NPM2: variants seen among roughly 807,000 people sequenced by gnomAD.
NPM2 encodes nucleophosmin/nucleoplasmin 2, also known as nucleoplasmin-2.
NPM2 carries 25 observed loss-of-function variants against 32.0 expected under a neutral mutation model. The observed-to-expected ratio is 0.78, with a 90% CI of 0.57 to 1.09. The LOEUF (loss-of-function observed/expected upper bound fraction) is 1.09, where lower values mean the gene tolerates loss of function less well. Among genes scored for constraint, NPM2 ranks in the 50% least tolerant of loss-of-function variants. NPM2 has a pLI of 0.00. For synonymous variants in NPM2, 111 were observed against 94.2 expected (o/e 1.18, Z -1.04); for missense variants, 282 against 259.9 (o/e 1.08, Z -0.58).
intron 8 of NPM2, among the ~76,000 whole-genome samples, chr8:22,035,068 G>A (rs866463978): frequency 3.9e-5 from 6 of 152,216 alleles, no homozygotes; most frequent in African/African-American, 7.2e-5. Context: ...GTGCCACTGC[G>A]CTCCAGCCTG....
intron 5 of NPM2, among the ~76,000 whole-genome samples, chr8:22,031,728 G>A (rs910341096): frequency 1.3e-5 from 2 of 152,234 alleles, no homozygotes; most frequent in African/African-American, 4.8e-5. Context: ...TTACAGGCAT[G>A]AGCCACCGTG....
At chr8:22,028,661 T>C (rs988958442) in intron 5 of NPM2, among the ~76,000 whole-genome samples, 11 of 152,108 alleles carry the variant, frequency 7.2e-5, no homozygotes, top group African/African-American at 2.7e-4. Context: ...GGTTAGATCA[T>C]GTGGCTTCTC....
intron 5 of NPM2, among the ~76,000 whole-genome samples, chr8:22,030,661 TA>T (rs1473514099): frequency 6.6e-6 from 1 of 152,088 alleles, no homozygotes. Flanking sequence ...TATACATATA[TA>T]TATATATGTA....
At chr8:22,036,334 G>T (rs1019858504) in intron 8 of NPM2, 159 bp from the exon 9 acceptor site, 4 of 621,526 alleles carry the variant, frequency 6.4e-6, no homozygotes, top group Admixed American at 3.0e-5. Flanking sequence ...GCATGCACAC[G>T]CACACACATC....
Position 22,025,599 on chromosome 8 carries a change from C to T in NPM2, c.145-48C>T, listed in dbSNP as rs748550224. On this transcript the variant is annotated intron_variant, in intron 4 of 9. Coordinates refer to ENST00000518119, the MANE Select transcript of NPM2 (RefSeq NM_001286680.2). ...CCAACGGAGGGCTATGGATTTCTCCCGTCGGCCCTCAGGGTGATGAGGGGC... is the reference window on the plus strand; with the variant it reads ...CCAACGGAGGGCTATGGATTTCTCCTGTCGGCCCTCAGGGTGATGAGGGGC... 8 of 1,613,762 alleles carry T rather than the reference C, an allele frequency of 5.0e-6. No individual in the cohort carries two copies. The Admixed American group carries it at 1.0e-4, about 20-fold the overall frequency.
At chr8:22,034,314 C>T (rs1457140379) in intron 7 of NPM2, 39 bp downstream of exon 7, 1 of 1,548,368 alleles carries the variant, frequency 6.5e-7, no homozygotes, top group South Asian at 1.2e-5. Flanking sequence ...GGAAGTGGTA[C>T]CCCTACAGAA....
At chr8:22,027,312 G>A (rs1800287606) in intron 5 of NPM2, among the ~76,000 whole-genome samples, 1 of 152,142 alleles carries the variant, frequency 6.6e-6, no homozygotes, top group South Asian at 2.1e-4. Context: ...ACTGCCCTCA[G>A]ACTTTCCTGT....
intron 4 of NPM2, 44 bp from the exon 5 acceptor site, chr8:22,025,603 G>C (rs762471669): frequency 1.9e-6 from 3 of 1,613,952 alleles, no homozygotes; most frequent in Non-Finnish European, 2.5e-6. Context: ...TTCTCCCGTC[G>C]GCCCTCAGGG....
intron 5 of NPM2, among the ~76,000 whole-genome samples, chr8:22,032,077 C>G (rs549502665): frequency 5.3e-5 from 8 of 152,318 alleles, no homozygotes; most frequent in African/African-American, 1.4e-4. Context: ...GTTTCCTCCT[C>G]TGTAAAGTAT....
Position 22,036,823 on chromosome 8 carries a change from C to A in NPM2, c.*141C>A. On this transcript the variant is annotated 3_prime_UTR_variant, in exon 10 of 10. Transcript: ENST00000518119. ...GGGGGCAACATGAGAGCCCCTCACC[C>A]CCAACTCTCCACTTTCAGGAGGCCC... The A allele has an allele frequency of 1.3e-6, 1 of 794,530 alleles. No individual in the cohort carries two copies. Among genetic ancestry groups the A allele is most frequent in the African/African-American group, 1.8e-5 (1 of 55,968 alleles). The allele number at this position is 794,530 out of a possible 1,614,324, so 49.2% of individuals were successfully genotyped here.
At chr8:22,036,578 AG>A (rs776102810) in intron 9 of NPM2, 52 bp downstream of exon 9, 9 of 1,564,948 alleles carry the variant, frequency 5.8e-6, no homozygotes, top group Non-Finnish European at 7.8e-6. Flanking sequence ...TATTCTCTGG[AG>A]GGGGCTGCCT....
intron 5 of NPM2, among the ~76,000 whole-genome samples, chr8:22,028,304 A>G (rs979570379): frequency 6.6e-6 from 1 of 151,350 alleles, no homozygotes; most frequent in African/African-American, 2.4e-5. Context: ...CTTAACAGAA[A>G]GTTTCCTGGT....
chr8:22,035,431 G>A (rs976943394), intron 8 of NPM2, among the ~76,000 whole-genome samples: 15 of 151,976 alleles, frequency 9.9e-5, no homozygotes, highest in African/African-American at 3.6e-4. Context: ...GTGCCACTAT[G>A]CATGGCTAAC....
intron 5 of NPM2, among the ~76,000 whole-genome samples, chr8:22,025,995 G>C (rs977628775): frequency 1.1e-4 from 16 of 151,994 alleles, no homozygotes; most frequent in African/African-American, 3.6e-4. Context: ...TTTAAACCAG[G>C]GGTCCCCAAC....
chr8:22,033,124 C>G lies in NPM2; in HGVS notation c.271-6C>G. On this transcript the variant is annotated splice_polypyrimidine_tract_variant and splice_region_variant and intron_variant, in intron 5 of 9. Transcript: ENST00000518119. ...GCCCTGTCTTCTCTGCTTCCTCCCC[C>G]TGCAGGTCTCCATGGTAGGAGTGCA... The G allele has an allele frequency of 6.2e-7, 1 of 1,612,940 alleles. No homozygotes were observed. Among genetic ancestry groups the G allele is most frequent in the Non-Finnish European group, 8.5e-7 (1 of 1,178,920 alleles).
chr8:22,036,717 G>C lies in NPM2; in HGVS notation c.*35G>C, dbSNP rs958618091. The C allele has an allele frequency of 6.5e-7, 1 of 1,536,994 alleles. No homozygotes were observed. Among genetic ancestry groups the C allele is most frequent in the African/African-American group, 1.4e-5 (1 of 71,810 alleles). The stretch of plus-strand genomic sequence containing the variant: ...CCTTGGGGGGCACGGTGCAAAGTGG[G>C]CCTTCCCTGGGCTGTGCTGCAGGCA... On this transcript the variant is annotated 3_prime_UTR_variant, in exon 10 of 10. Transcript: ENST00000518119.
At chr8:22,034,383 G>C in intron 7 of NPM2, 108 bp downstream of exon 7, 1 of 1,391,172 alleles carries the variant, frequency 7.2e-7, no homozygotes, top group Non-Finnish European at 1.0e-6. Context: ...TGAGTGTACA[G>C]GATGGGCCAA....
At chr8:22,026,263 A>G (rs1034676477) in intron 5 of NPM2, among the ~76,000 whole-genome samples, 11 of 151,910 alleles carry the variant, frequency 7.2e-5, no homozygotes, top group African/African-American at 4.8e-5. Flanking sequence ...CACCCCATCC[A>G]TGCAAAAATT....
At chr8:22,029,181 C>T (rs892695591) in intron 5 of NPM2, among the ~76,000 whole-genome samples, 2 of 152,154 alleles carry the variant, frequency 1.3e-5, no homozygotes, top group African/African-American at 4.8e-5. Context: ...CACTTTGTTT[C>T]CCAGGCTAGA....
Sources: gnomAD v4.1 joint callset for allele counts (sites outside exome capture counted in the v4.1 genomes callset) on GRCh38, gnomAD v4.1.1 for gene constraint, MANE v1.5 for transcripts, NCBI Gene and HGNC (gene_info 2026-07-23, HGNC 2026-07-21) for gene names.